Variants in KIAA1328 observed in about 807,000 individuals in gnomAD.
The protein encoded by KIAA1328 is KIAA1328.
KIAA1328 carries 52 observed loss-of-function variants against 68.1 expected under a neutral mutation model. That is an observed-to-expected ratio of 0.76 (90% CI 0.61 to 0.96). The LOEUF (loss-of-function observed/expected upper bound fraction) is 0.96, where lower values mean the gene tolerates loss of function less well. Among genes scored for constraint, KIAA1328 ranks in the 40% least tolerant of loss-of-function variants. KIAA1328 has a pLI of 0.00. For missense variants in KIAA1328, 641 were observed against 677.6 expected, an observed-to-expected ratio of 0.95 and a Z score of 0.60; for synonymous variants, 232 against 239.4, an observed-to-expected ratio of 0.97 and a Z score of 0.28.
intron 9 of KIAA1328, among the ~76,000 whole-genome samples, chr18:37,202,633 A>G (rs923254612): frequency 4.6e-5 from 7 of 152,212 alleles, no homozygotes; most frequent in Non-Finnish European, 8.8e-5. Context: ...AAATTTGGTG[A>G]TTTCTGTGGC....
chr18:36,936,814 G>T (rs2050516987), intron 5 of KIAA1328, among the ~76,000 whole-genome samples: 1 of 152,024 alleles, frequency 6.6e-6, no homozygotes, highest in Non-Finnish European at 1.5e-5. Flanking sequence ...ATTCTGACTG[G>T]CATGAGATGG....
At chr18:37,080,630 C>T (rs969333298) in intron 7 of KIAA1328, among the ~76,000 whole-genome samples, 1 of 151,824 alleles carries the variant, frequency 6.6e-6, no homozygotes, top group Non-Finnish European at 1.5e-5. Context: ...CAAAAATTAG[C>T]CGGGCATGGT....
chr18:37,091,035 A>G (rs1350961295), intron 7 of KIAA1328, among the ~76,000 whole-genome samples: 1 of 152,224 alleles, frequency 6.6e-6, no homozygotes, highest in Non-Finnish European at 1.5e-5. Flanking sequence ...TCTTGAATCA[A>G]TAAGATAAAC....
At chr18:37,036,591 A>C (rs1482603343) in intron 6 of KIAA1328, among the ~76,000 whole-genome samples, 1 of 152,228 alleles carries the variant, frequency 6.6e-6, no homozygotes, top group East Asian at 1.9e-4. Context: ...AGAAACATGA[A>C]GACTGTTGCC....
At chr18:37,206,633 G>T (rs1234590700) in intron 9 of KIAA1328, among the ~76,000 whole-genome samples, 8 of 152,170 alleles carry the variant, frequency 5.3e-5, no homozygotes, top group Non-Finnish European at 1.5e-5. Flanking sequence ...TGACTAGGTA[G>T]TTGTTGTAGT....
intron 7 of KIAA1328, among the ~76,000 whole-genome samples, chr18:37,125,315 G>A (rs954534988): frequency 6.6e-6 from 1 of 151,980 alleles, no homozygotes; most frequent in Admixed American, 6.5e-5. Context: ...GTAAGACCCC[G>A]TCTCAAAAAA....
chr18:37,193,035 C>T (rs1474803177), intron 9 of KIAA1328, among the ~76,000 whole-genome samples: 1 of 152,116 alleles, frequency 6.6e-6, no homozygotes, highest in Admixed American at 6.6e-5. Context: ...AGATCAAGTT[C>T]ATTGTTGCAC....
intron 7 of KIAA1328, among the ~76,000 whole-genome samples, chr18:37,141,374 C>T (rs979480706): frequency 2.0e-5 from 3 of 152,178 alleles, no homozygotes; most frequent in African/African-American, 7.2e-5. Context: ...ATACCTTTTA[C>T]TCACCATAAT....
At chr18:37,063,164 TG>T (rs1188041927) in intron 6 of KIAA1328, among the ~76,000 whole-genome samples, 2 of 152,204 alleles carry the variant, frequency 1.3e-5, no homozygotes, top group Non-Finnish European at 2.9e-5. Flanking sequence ...ACATGGTCAT[TG>T]GCAGAAGTTA....
intron 9 of KIAA1328, among the ~76,000 whole-genome samples, chr18:37,217,528 G>C (rs980683587): frequency 6.6e-6 from 1 of 152,120 alleles, no homozygotes; most frequent in South Asian, 2.1e-4. Flanking sequence ...AGTTTCTGCC[G>C]AGAGATCAGC....
intron 9 of KIAA1328, 81 bp from the exon 10 acceptor site, chr18:37,221,936 A>G: frequency 7.4e-7 from 1 of 1,349,000 alleles, no homozygotes. Context: ...CTTGCCCTGG[A>G]CAGCCCATTT....
At chr18:36,847,497 A>G (rs192112417) in intron 4 of KIAA1328, among the ~76,000 whole-genome samples, 2 of 151,448 alleles carry the variant, frequency 1.3e-5, no homozygotes, top group African/African-American at 4.8e-5. Flanking sequence ...CCGGTGACTA[A>G]TGTGATTATT....
intron 5 of KIAA1328, chr18:36,901,932 A>G (rs1399191486): frequency 6.6e-6 from 1 of 151,950 alleles, no homozygotes. Flanking sequence ...TTTTGAAGAA[A>G]CTACTATAGA....
At chr18:37,115,669 A>G (rs943479119) in intron 7 of KIAA1328, among the ~76,000 whole-genome samples, 8 of 152,354 alleles carry the variant, frequency 5.3e-5, no homozygotes, top group Middle Eastern at 3.4e-3. Flanking sequence ...GGCCTGGGCA[A>G]TCAGGCTGGA....
Position 37,060,222 on chromosome 18 carries a change from A to T in KIAA1328, c.577-6668A>T, listed in dbSNP as rs183945623. On this transcript the variant is annotated intron_variant, in intron 6 of 9. Transcript: ENST00000280020. ...GTTCTTGGAAAATGTAGGGCATTCA[A>T]TGGTCAGTGAAGGTGACTGTTTAGA... Among the ~76,000 whole-genome samples, 273 of 152,284 alleles carry T rather than the reference A, an allele frequency of 1.8e-3. 2 individuals carry two copies. Among genetic ancestry groups the T allele is most frequent in the African/African-American group, 6.3e-3 (262 of 41,572 alleles).
chr18:37,055,615 G>C (rs1310015735), intron 6 of KIAA1328, among the ~76,000 whole-genome samples: 3 of 152,164 alleles, frequency 2.0e-5, no homozygotes, highest in Non-Finnish European at 4.4e-5. Context: ...TATATGCCTA[G>C]TGTTAAAAAT....
Position 37,062,111 on chromosome 18 carries a change from C to A in KIAA1328, c.577-4779C>A, listed in dbSNP as rs117821395. Among the ~76,000 whole-genome samples the A allele has an allele frequency of 6.8e-3, 1,037 of 152,274 alleles. 7 individuals carry two copies. Among genetic ancestry groups the A allele is most frequent in the Non-Finnish European group, 0.011 (744 of 68,002 alleles). On this transcript the variant is annotated intron_variant, in intron 6 of 9. Transcript: ENST00000280020. ...GCAACATGTTAGTGTAGAGTGATAT[C>A]TTTTGTATGAAGGAGAAAAATGAAT...
intron 6 of KIAA1328, among the ~76,000 whole-genome samples, chr18:37,035,900 TTC>T (rs2055008018): frequency 1.3e-5 from 2 of 152,228 alleles, no homozygotes; most frequent in Non-Finnish European, 2.9e-5. Context: ...TACTCTTTTT[TTC>T]TCTCTCTCCT....
chr18:37,111,642 A>G (rs971834138), intron 7 of KIAA1328, among the ~76,000 whole-genome samples: 7 of 152,312 alleles, frequency 4.6e-5, no homozygotes, highest in Middle Eastern at 3.4e-3. Flanking sequence ...TGCATTTCCA[A>G]CTGAGGCGCC....
Sources: gnomAD v4.1 joint callset for allele counts (sites outside exome capture counted in the v4.1 genomes callset) on GRCh38, gnomAD v4.1.1 for gene constraint, MANE v1.5 for transcripts, NCBI Gene and HGNC (gene_info 2026-07-23, HGNC 2026-07-21) for gene names.